Variants in SPON1 observed in about 807,000 individuals in gnomAD.
The protein encoded by SPON1 is spondin 1, also known as spondin-1.
Under a neutral mutation model 111.7 loss-of-function variants are expected in SPON1, and 52 were observed. That is an observed-to-expected ratio of 0.47 (90% CI 0.37 to 0.59). SPON1 has a LOEUF of 0.59. SPON1 is among the 20% of genes least tolerant of loss of function. The pLI is 0.00. For synonymous variants in SPON1, 410 were observed against 395.8 expected (o/e 1.04, Z -0.43); for missense variants, 957 against 1,068.5 (o/e 0.90, Z 1.46).
intron 3 of SPON1, among the ~76,000 whole-genome samples, chr11:14,059,582 G>A (rs147911382): frequency 1.3e-5 from 2 of 152,124 alleles, no homozygotes; most frequent in African/African-American, 4.8e-5. Context: ...GACCAGAGGG[G>A]CTGGCACATG....
At chr11:14,055,201 CTATT>C (rs1293438855) in intron 3 of SPON1, among the ~76,000 whole-genome samples, 1 of 152,172 alleles carries the variant, frequency 6.6e-6, no homozygotes, top group Non-Finnish European at 1.5e-5. Context: ...TCCTATCTTT[CTATT>C]TGTTTCTTTG....
intron 2 of SPON1, among the ~76,000 whole-genome samples, chr11:14,011,527 C>A (rs1253853501): frequency 2.6e-5 from 4 of 152,080 alleles, no homozygotes; most frequent in African/African-American, 9.7e-5. Context: ...ATTCCTACTG[C>A]AGCCTCCCAA....
At chr11:14,152,163 C>G (rs1290873439) in intron 6 of SPON1, among the ~76,000 whole-genome samples, 15 of 152,206 alleles carry the variant, frequency 9.9e-5, no homozygotes, top group Non-Finnish European at 1.6e-4. Flanking sequence ...TCATATGTCT[C>G]ATAGTACATT....
intron 6 of SPON1, among the ~76,000 whole-genome samples, chr11:14,209,034 A>G (rs898645681): frequency 2.0e-5 from 3 of 152,202 alleles, no homozygotes; most frequent in Non-Finnish European, 2.9e-5. Context: ...TTTAAAATAT[A>G]TCAGCTTCTT....
intron 6 of SPON1, among the ~76,000 whole-genome samples, chr11:14,215,981 A>G (rs1848621788): frequency 6.6e-6 from 1 of 152,202 alleles, no homozygotes; most frequent in South Asian, 2.1e-4. Context: ...CATTGGCTAA[A>G]TGTTAGTCAC....
chr11:14,126,698 C>G (rs928033497), intron 5 of SPON1, among the ~76,000 whole-genome samples: 7 of 152,196 alleles, frequency 4.6e-5, no homozygotes, highest in African/African-American at 1.7e-4. Flanking sequence ...TCTGCCGCTT[C>G]CCCCTAGGTC....
chr11:14,167,722 T>G (rs572046394), intron 6 of SPON1, among the ~76,000 whole-genome samples: 1 of 152,264 alleles, frequency 6.6e-6, no homozygotes, highest in African/African-American at 2.4e-5. Context: ...AATAGCAGAT[T>G]AATTTTCTAA....
chr11:14,211,738 C>A (rs1168109823), intron 6 of SPON1, among the ~76,000 whole-genome samples: 2 of 152,066 alleles, frequency 1.3e-5, no homozygotes, highest in Non-Finnish European at 2.9e-5. Context: ...ATATATTGGG[C>A]ATAGTAATGC....
At chr11:14,190,555 T>TC in intron 6 of SPON1, among the ~76,000 whole-genome samples, 1 of 151,630 alleles carries the variant, frequency 6.6e-6, no homozygotes, top group Non-Finnish European at 1.5e-5. Flanking sequence ...CTTCCTTCCT[T>TC]CTTTACTTCC....
chr11:14,098,586 G>C (rs1225464340), intron 5 of SPON1, among the ~76,000 whole-genome samples: 2 of 152,058 alleles, frequency 1.3e-5, no homozygotes, highest in Non-Finnish European at 2.9e-5. Flanking sequence ...GAGTCTCAGA[G>C]AGGCTAGAGA....
chr11:14,120,709 T>C (rs1849298436), intron 5 of SPON1, among the ~76,000 whole-genome samples: 1 of 152,220 alleles, frequency 6.6e-6, no homozygotes, highest in East Asian at 1.9e-4. Context: ...GCTACCAATT[T>C]CTATCTTTCC....
chr11:14,228,198 C>G lies in SPON1; in HGVS notation c.826-15134C>G, dbSNP rs1848761195. ...GAGTTTGGTATGCATACACCAGGGC[C>G]CTTTGGGCTAACTCAGTTCTCCCAC... On this transcript the variant is annotated intron_variant, in intron 6 of 15. Transcript: ENST00000576479. This position sits in a 1 kb window ranked among gnomAD's most constrained non-coding sequence, Gnocchi z 4.2. 6.6e-6 allele frequency among the ~76,000 whole-genome samples: 1 copy of G among 152,164 alleles called. No individual in the cohort carries two copies. The highest frequency in any genetic ancestry group is 2.1e-4 in the South Asian group (1 of 4,828).
intron 2 of SPON1, among the ~76,000 whole-genome samples, chr11:14,003,656 T>C (rs1484271145): frequency 6.6e-6 from 1 of 152,108 alleles, no homozygotes; most frequent in Non-Finnish European, 1.5e-5. Flanking sequence ...TAAGCACTAT[T>C]GGCATTTGGG....
At chr11:14,241,227 A>G (rs548335055) in intron 6 of SPON1, among the ~76,000 whole-genome samples, 105 of 152,202 alleles carry the variant, frequency 6.9e-4, no homozygotes, top group Non-Finnish European at 1.1e-3. Context: ...AGTTTCTGTG[A>G]TGCTAAAATT....
At chr11:13,982,512 G>A (rs148627176) in intron 1 of SPON1, among the ~76,000 whole-genome samples, 1 of 152,348 alleles carries the variant, frequency 6.6e-6, no homozygotes, top group East Asian at 1.9e-4. Flanking sequence ...TCTAATGGAA[G>A]TGTAATGTTA....
chr11:14,080,630 A>T (rs1187406065), intron 5 of SPON1, among the ~76,000 whole-genome samples: 2 of 152,180 alleles, frequency 1.3e-5, no homozygotes, highest in Non-Finnish European at 2.9e-5. Context: ...CCCTGCAATG[A>T]CCCTGTCCAT....
At chr11:14,201,491 C>T (rs1460438941) in intron 6 of SPON1, among the ~76,000 whole-genome samples, 3 of 151,890 alleles carry the variant, frequency 2.0e-5, no homozygotes, top group Non-Finnish European at 2.9e-5. Flanking sequence ...CTCAACCTCC[C>T]GGGCTCAATC....
At chr11:14,074,096 T>C (rs1193703296) in intron 3 of SPON1, among the ~76,000 whole-genome samples, 4 of 152,330 alleles carry the variant, frequency 2.6e-5, no homozygotes, top group African/African-American at 9.6e-5. Flanking sequence ...GTGAAGACTG[T>C]TATTCTCTTG....
intron 7 of SPON1, among the ~76,000 whole-genome samples, chr11:14,246,473 T>C (rs529739739): frequency 5.2e-4 from 79 of 152,296 alleles, no homozygotes; most frequent in African/African-American, 1.9e-3. Context: ...AACACGATCC[T>C]TCCAATTAAG....
Sources: gnomAD v4.1 joint callset for allele counts (sites outside exome capture counted in the v4.1 genomes callset) on GRCh38, gnomAD v4.1.1 for gene constraint, Gnocchi (gnomAD v3.1) non-coding constraint, MANE v1.5 for transcripts, NCBI Gene and HGNC (gene_info 2026-07-23, HGNC 2026-07-21) for gene names.